The following ZNF407 variants were observed in gnomAD, a reference collection of about 807,000 sequenced individuals.
The protein encoded by ZNF407 is zinc finger protein 407.
Under a neutral mutation model 131.2 loss-of-function variants are expected in ZNF407, and 17 were observed. That is an observed-to-expected ratio of 0.13 (90% CI 0.09 to 0.19). The LOEUF is 0.19. Ranked by LOEUF, ZNF407 falls within the 10% of genes least tolerant of loss-of-function variation. The pLI is 1.00. For missense variants in ZNF407, 2,681 were observed against 2,830.6 expected (o/e 0.95, Z 1.20); for synonymous variants, 1,156 against 1,062.0 (o/e 1.09, Z -1.72).
chr18:75,054,061 G>A (rs1177454452), intron 8 of ZNF407, among the ~76,000 whole-genome samples: 3 of 152,210 alleles, frequency 2.0e-5, no homozygotes, highest in Non-Finnish European at 2.9e-5. Context: ...CTATCCACAG[G>A]GTGCTGGAGG....
chr18:74,668,998 C>T (rs895147294), intron 3 of ZNF407, among the ~76,000 whole-genome samples: 4 of 151,946 alleles, frequency 2.6e-5, no homozygotes, highest in South Asian at 2.1e-4. Context: ...ATGCTTGTTC[C>T]GGGAGCACAC....
At chr18:74,697,187 T>G (rs1280700185) in intron 3 of ZNF407, among the ~76,000 whole-genome samples, 1 of 152,150 alleles carries the variant, frequency 6.6e-6, no homozygotes, top group Non-Finnish European at 1.5e-5. Flanking sequence ...TGCATTTCCC[T>G]CATCAACCTT....
chr18:74,845,754 T>C (rs1970694003), intron 4 of ZNF407, among the ~76,000 whole-genome samples: 1 of 152,226 alleles, frequency 6.6e-6, no homozygotes, highest in African/African-American at 2.4e-5. Context: ...AGGTGTTATC[T>C]TGAATGAAGA....
At chr18:74,970,013 G>A (rs1194139516) in intron 8 of ZNF407, among the ~76,000 whole-genome samples, 2 of 152,040 alleles carry the variant, frequency 1.3e-5, no homozygotes, top group Non-Finnish European at 2.9e-5. Flanking sequence ...AAACTGGCGG[G>A]GGTGAAAGGC....
intron 4 of ZNF407, among the ~76,000 whole-genome samples, chr18:74,794,929 AAG>A (rs1256534157): frequency 6.6e-6 from 1 of 152,118 alleles, no homozygotes; most frequent in African/African-American, 2.4e-5. Context: ...TTTTTGATGA[AAG>A]AGAATGTATA....
chr18:74,801,208 A>G (rs542492907), intron 4 of ZNF407, among the ~76,000 whole-genome samples: 4 of 152,328 alleles, frequency 2.6e-5, no homozygotes, highest in African/African-American at 9.6e-5. Context: ...TCTCTTGAGT[A>G]TGATTAATGA....
At chr18:74,715,883 A>T (rs148011294) in intron 3 of ZNF407, among the ~76,000 whole-genome samples, 390 of 152,194 alleles carry the variant, frequency 2.6e-3, no homozygotes, top group African/African-American at 8.2e-3. Context: ...ATTACTTTAC[A>T]TTTTCGTAAT....
intron 4 of ZNF407, among the ~76,000 whole-genome samples, chr18:74,852,410 A>G (rs1227204839): frequency 1.3e-5 from 2 of 152,150 alleles, no homozygotes; most frequent in Non-Finnish European, 2.9e-5. Context: ...GTATCAAACT[A>G]AGATAATTTT....
At chr18:74,744,781 A>G (rs1968628752) in intron 3 of ZNF407, among the ~76,000 whole-genome samples, 3 of 11,458 alleles carry the variant, frequency 2.6e-4, no homozygotes, top group Admixed American at 2.5e-3. Context: ...TAGGCAATGT[A>G]TTAGTGTGTA....
intron 4 of ZNF407, among the ~76,000 whole-genome samples, chr18:74,831,897 G>T (rs1214538401): frequency 2.0e-5 from 3 of 152,174 alleles, no homozygotes; most frequent in Non-Finnish European, 4.4e-5. Context: ...GTGTGCTGTG[G>T]CCCTGGGCAC....
At chr18:75,044,775 A>G (rs1334777465) in intron 8 of ZNF407, among the ~76,000 whole-genome samples, 1 of 152,148 alleles carries the variant, frequency 6.6e-6, no homozygotes, top group Admixed American at 6.5e-5. Context: ...TTATTAAAAA[A>G]CTATTCACAT....
intron 3 of ZNF407, among the ~76,000 whole-genome samples, chr18:74,661,396 A>T (rs917132953): frequency 2.7e-5 from 4 of 148,222 alleles, no homozygotes; most frequent in Non-Finnish European, 4.5e-5. Context: ...ATATATATAT[A>T]ATATATTTAT....
chr18:74,763,620 T>C (rs1568203928), intron 3 of ZNF407, among the ~76,000 whole-genome samples: 2 of 151,802 alleles, frequency 1.3e-5, no homozygotes, highest in African/African-American at 4.8e-5. Context: ...GTGTAAGGTA[T>C]AAAATGAAGG....
intron 1 of ZNF407, among the ~76,000 whole-genome samples, chr18:74,609,568 C>A (rs950456891): frequency 6.6e-6 from 1 of 152,148 alleles, no homozygotes; most frequent in African/African-American, 2.4e-5. Context: ...GCTTGTGGGA[C>A]TGGAAGTTGC....
At chr18:74,766,703 A>G (rs1447003664) in intron 3 of ZNF407, among the ~76,000 whole-genome samples, 1 of 152,228 alleles carries the variant, frequency 6.6e-6, no homozygotes, top group Non-Finnish European at 1.5e-5. Flanking sequence ...CACAATCAAC[A>G]ACATGCTAGC....
chr18:74,756,271 T>C (rs1007508331), intron 3 of ZNF407, among the ~76,000 whole-genome samples: 5 of 152,286 alleles, frequency 3.3e-5, no homozygotes, highest in African/African-American at 4.8e-5. Flanking sequence ...TTCAACCTTA[T>C]TCTTTTTCAA....
chr18:74,702,085 T>G (rs1967510642), intron 3 of ZNF407, among the ~76,000 whole-genome samples: 1 of 152,200 alleles, frequency 6.6e-6, no homozygotes, highest in South Asian at 2.1e-4. Flanking sequence ...TTGAATGCTC[T>G]TCTAATGAGG....
intron 8 of ZNF407, among the ~76,000 whole-genome samples, chr18:74,929,274 C>T (rs1276017907): frequency 6.6e-6 from 1 of 152,204 alleles, no homozygotes; most frequent in Non-Finnish European, 1.5e-5. Flanking sequence ...TTCCCTGCTG[C>T]GCCAAGGTCA....
At chr18:74,909,725 T>A (rs1012719392) in intron 7 of ZNF407, among the ~76,000 whole-genome samples, 1 of 152,080 alleles carries the variant, frequency 6.6e-6, no homozygotes, top group African/African-American at 2.4e-5. Context: ...TGGAGAAGGG[T>A]TTTATAAACC....
Sources: gnomAD v4.1 joint callset for allele counts (sites outside exome capture counted in the v4.1 genomes callset) on GRCh38, gnomAD v4.1.1 for gene constraint, MANE v1.5 for transcripts, NCBI Gene and HGNC (gene_info 2026-07-23, HGNC 2026-07-21) for gene names.